PTGR3: variants seen among roughly 807,000 people sequenced by gnomAD.
PTGR3 encodes the protein prostaglandin reductase 3.
the PTGR3 span, chr18:75,208,981 G>T: frequency 1.3e-6 from 2 of 1,594,358 alleles, no homozygotes; most frequent in South Asian, 1.1e-5. Flanking sequence ...GAATGGCGGA[G>T]CCCTGGAAGT....
the PTGR3 span, chr18:75,200,477 C>T: frequency 6.6e-6 from 1 of 152,230 alleles, no homozygotes; most frequent in African/African-American, 2.4e-5. Flanking sequence ...CTTGAGATGA[C>T]TGAGGTCTCT....
At chr18:75,209,040 T>G in the PTGR3 span, 3 of 1,558,198 alleles carry the variant, frequency 1.9e-6, no homozygotes, top group East Asian at 5.1e-5. This position sits in a 1 kb window ranked among gnomAD's most constrained non-coding sequence, Gnocchi z 4.7. Flanking sequence ...CGGGCCCCGG[T>G]GGGCACCAGC....
At chr18:75,209,025 T>C in the PTGR3 span, 37 of 1,576,594 alleles carry the variant, frequency 2.3e-5, no homozygotes, top group East Asian at 9.7e-5. This position sits in a 1 kb window ranked among gnomAD's most constrained non-coding sequence, Gnocchi z 4.7. Flanking sequence ...ATGTCCACGA[T>C]GGCCCGGGCC....
the PTGR3 span, among the ~76,000 whole-genome samples, chr18:75,202,995 A>C: frequency 6.6e-6 from 1 of 152,258 alleles, no homozygotes; most frequent in Admixed American, 6.5e-5. Context: ...AACTACATCC[A>C]GTGTGAAAAT....
the PTGR3 span, chr18:75,205,569 G>C: frequency 2.4e-6 from 2 of 838,924 alleles, no homozygotes; most frequent in Non-Finnish European, 2.9e-6. Flanking sequence ...AAACCCCCTC[G>C]TCATGTTTAC....
At chr18:75,201,310 A>T in the PTGR3 span, 1 of 1,013,918 alleles carries the variant, frequency 9.9e-7, no homozygotes, top group Non-Finnish European at 1.4e-6. Context: ...CTTTTGTTTT[A>T]AGAAATATTA....
chr18:75,209,036 C>G, the PTGR3 span: 1 of 1,563,046 alleles, frequency 6.4e-7, no homozygotes, highest in Middle Eastern at 1.9e-4. This position sits in a 1 kb window ranked among gnomAD's most constrained non-coding sequence, Gnocchi z 4.7. Flanking sequence ...GGCCCGGGCC[C>G]CGGTGGGCAC....
chr18:75,202,336 C>T, the PTGR3 span: 3 of 1,601,260 alleles, frequency 1.9e-6, no homozygotes, highest in East Asian at 2.2e-5. Context: ...TTAACACCAA[C>T]AAATCTAAAA....
chr18:75,198,701 A>G, the PTGR3 span: 39 of 152,208 alleles, frequency 2.6e-4, no homozygotes, highest in Admixed American at 2.2e-3. Flanking sequence ...TCAAAGAGGC[A>G]AGCTCCTTCC....
the PTGR3 span, chr18:75,198,563 A>T: frequency 6.6e-6 from 1 of 151,750 alleles, no homozygotes; most frequent in East Asian, 1.9e-4. Context: ...AGCAGTAGTC[A>T]TCATCAAAGG....
chr18:75,197,235 T>C, the PTGR3 span: 1 of 152,132 alleles, frequency 6.6e-6, no homozygotes, highest in East Asian at 1.9e-4. Context: ...CTATAAGCAA[T>C]AATAACTGTA....
the PTGR3 span, chr18:75,208,891 C>T: frequency 6.4e-7 from 1 of 1,557,656 alleles, no homozygotes; most frequent in East Asian, 2.5e-5. Context: ...GGAGCGGCAC[C>T]GGGCAGTCCC....
At chr18:75,208,780 G>GGGAGC in the PTGR3 span, 1 of 1,302,380 alleles carries the variant, frequency 7.7e-7, no homozygotes, top group South Asian at 2.0e-5. Context: ...TGGGGACTGC[G>GGGAGC]GGAGCGGCGC....
the PTGR3 span, chr18:75,205,476 GA>G: frequency 1.0e-6 from 1 of 985,322 alleles, no homozygotes; most frequent in Non-Finnish European, 1.2e-6. Flanking sequence ...GAAACCCCAG[GA>G]AAAAAGAATA....
At chr18:75,208,562 G>A in the PTGR3 span, 1 of 1,084,904 alleles carries the variant, frequency 9.2e-7, no homozygotes, top group Non-Finnish European at 1.1e-6. Context: ...AGCGGGAGGG[G>A]GAGGAGGGAG....
At chr18:75,199,987 A>G in the PTGR3 span, 1 of 152,640 alleles carries the variant, frequency 6.6e-6, no homozygotes, top group African/African-American at 2.4e-5. Flanking sequence ...ACTAACAGCT[A>G]TTCAGCAGTA....
the PTGR3 span, chr18:75,208,789 G>A: frequency 7.5e-7 from 1 of 1,324,622 alleles, no homozygotes. Flanking sequence ...CGGGAGCGGC[G>A]CGGCGCGGCG....
At chr18:75,209,034 C>T in the PTGR3 span, 4 of 1,565,602 alleles carry the variant, frequency 2.6e-6, no homozygotes, top group Admixed American at 1.8e-5. This position sits in a 1 kb window ranked among gnomAD's most constrained non-coding sequence, Gnocchi z 4.7. Context: ...ATGGCCCGGG[C>T]CCCGGTGGGC....
chr18:75,202,377 G>T, the PTGR3 span: 79 of 1,573,170 alleles, frequency 5.0e-5, 1 homozygote, highest in South Asian at 7.6e-4. Context: ...GTTACGATGG[G>T]TTTTTTGTTA....
Sources: gnomAD v4.1 joint callset for allele counts (sites outside exome capture counted in the v4.1 genomes callset) on GRCh38, gnomAD v4.1.1 for gene constraint, Gnocchi (gnomAD v3.1) non-coding constraint, MANE v1.5 for transcripts, NCBI Gene and HGNC (gene_info 2026-07-23, HGNC 2026-07-21) for gene names.